Variants in TFDP2 observed in about 807,000 individuals in gnomAD.
TFDP2 encodes transcription factor Dp-2 (E2F dimerization partner 2).
In TFDP2, 17 loss-of-function variants were observed where a neutral mutation model predicts 59.3. That is an observed-to-expected ratio of 0.29 (90% CI 0.20 to 0.43). The LOEUF is 0.43. TFDP2 is among the 20% of genes least tolerant of loss of function. The pLI is 1.00. For synonymous variants in TFDP2, 180 were observed against 194.7 expected, an observed-to-expected ratio of 0.92 and a Z score of 0.63; for missense variants, 391 against 528.8, an observed-to-expected ratio of 0.74 and a Z score of 2.56.
chr3:142,027,531 G>C (rs1946184582), intron 3 of TFDP2, among the ~76,000 whole-genome samples: 1 of 150,738 alleles, frequency 6.6e-6, no homozygotes, highest in South Asian at 2.1e-4. Flanking sequence ...CCCACACTAA[G>C]TTCCTTAAAA....
At chr3:142,032,763 AT>A (rs1217991175) in intron 3 of TFDP2, among the ~76,000 whole-genome samples, 2 of 151,824 alleles carry the variant, frequency 1.3e-5, no homozygotes, top group African/African-American at 4.8e-5. Flanking sequence ...CATTGTTTCC[AT>A]TTTTTTTCTA....
intron 1 of TFDP2, among the ~76,000 whole-genome samples, chr3:142,109,333 ATT>A (rs11378143): frequency 1.4e-5 from 2 of 145,008 alleles, no homozygotes; most frequent in African/African-American, 5.1e-5. Context: ...AGTAAGCTAC[ATT>A]TTTTTTTTTT....
chr3:141,962,131 A>T (rs1937440164), intron 10 of TFDP2, among the ~76,000 whole-genome samples: 1 of 151,912 alleles, frequency 6.6e-6, no homozygotes, highest in Non-Finnish European at 1.5e-5. Flanking sequence ...TTTAGTAGCC[A>T]CAGGGTTTCA....
chr3:142,110,386 C>G (rs1169519151), intron 1 of TFDP2, among the ~76,000 whole-genome samples: 2 of 152,050 alleles, frequency 1.3e-5, no homozygotes, highest in Admixed American at 1.3e-4. Context: ...CGCCTATAAT[C>G]CCAGCTACTT....
At position 141,968,236 on chromosome 3, in the gene TFDP2, A is replaced by G. The variant is rs1314904823; in HGVS notation, c.732+1837T>C. The stretch of plus-strand genomic sequence containing the variant: ...GCACAATATTCTCTTCAAACAAAAC[A>G]TTATTATTTATATATTATATATTAT... On this transcript the variant is annotated intron_variant, in intron 9 of 12. Coordinates refer to ENST00000489671, the MANE Select transcript of TFDP2 (RefSeq NM_001178139.2). Among the ~76,000 whole-genome samples, 7 of 141,022 alleles carry G rather than the reference A, an allele frequency of 5.0e-5. No homozygotes were observed. The Admixed American group carries it at 5.3e-4, about 11-fold the overall frequency. The allele number at this position is 141,022 out of a possible 152,430, so 92.5% of individuals were successfully genotyped here.
chr3:141,976,623 C>G (rs1001737229), intron 7 of TFDP2, among the ~76,000 whole-genome samples: 1 of 152,106 alleles, frequency 6.6e-6, no homozygotes, highest in Non-Finnish European at 1.5e-5. Context: ...AGGGACAAAA[C>G]ATGTAGCTGG....
chr3:142,011,752 T>C (rs1237573961), intron 3 of TFDP2, among the ~76,000 whole-genome samples: 2 of 152,054 alleles, frequency 1.3e-5, no homozygotes, highest in African/African-American at 4.8e-5. Context: ...CAGGCACATT[T>C]TAAAAGTACT....
intron 3 of TFDP2, among the ~76,000 whole-genome samples, chr3:142,045,774 G>A (rs1947314857): frequency 6.6e-6 from 1 of 151,256 alleles, no homozygotes; most frequent in African/African-American, 2.4e-5. Context: ...CACCATGCCT[G>A]GCTAATTTTT....
intron 3 of TFDP2, chr3:142,043,670 CCTT>C (rs1947146726): frequency 2.1e-5 from 21 of 1,020,348 alleles, no homozygotes; most frequent in Non-Finnish European, 3.3e-5. Context: ...ATGATCTCCT[CCTT>C]CTTGGCCTGC....
In TFDP2 at chr3:141,945,503, G is replaced by A. The variant is rs1559885771; in HGVS notation, c.*7010C>T. The A allele has an allele frequency of 6.6e-6, 1 of 152,454 alleles. No homozygotes were observed. The highest frequency in any genetic ancestry group is 2.1e-4 in the South Asian group (1 of 4,830). The allele number at this position is 152,454 out of a possible 1,614,324, so 9.4% of individuals were successfully genotyped here. On this transcript the variant is annotated 3_prime_UTR_variant, in exon 13 of 13. Coordinates refer to ENST00000489671, the MANE Select transcript of TFDP2 (RefSeq NM_001178139.2). ...GCGTGAAGGAACTCAGTACTGAAACGTGATCCCCGGAGTGCAGCCACCTGG... is the reference window on the plus strand; with the variant it reads ...GCGTGAAGGAACTCAGTACTGAAACATGATCCCCGGAGTGCAGCCACCTGG...
chr3:141,950,136 T>A lies in TFDP2; in HGVS notation c.*2377A>T, dbSNP rs773898989. The A allele has an allele frequency of 2.0e-5, 3 of 152,196 alleles. No individual in the cohort carries two copies. The highest frequency in any genetic ancestry group is 4.4e-5 in the Non-Finnish European group (3 of 68,086). The allele number at this position is 152,196 out of a possible 1,614,324, so 9.4% of individuals were successfully genotyped here. ...GTTTCCTAACACTGCCTCACTTTGA[T>A]CTTGTGTGAAATTGTGACTCAGTGC... is the stretch of plus-strand genomic sequence containing the variant. On this transcript the variant is annotated 3_prime_UTR_variant, in exon 13 of 13. Transcript: ENST00000489671.
intron 3 of TFDP2, among the ~76,000 whole-genome samples, chr3:142,061,974 T>C (rs1024411613): frequency 4.0e-5 from 6 of 149,900 alleles, no homozygotes; most frequent in African/African-American, 1.2e-4. Context: ...AGGTTCAAAC[T>C]GTACAGGTAC....
At chr3:142,080,126 GCT>G (rs776733024) in intron 3 of TFDP2, among the ~76,000 whole-genome samples, 36 of 152,186 alleles carry the variant, frequency 2.4e-4, no homozygotes, top group Admixed American at 1.8e-3. Context: ...ACCATGCCTG[GCT>G]AATTCTTGTA....
chr3:141,960,073 C>T (rs1385566878), intron 10 of TFDP2, among the ~76,000 whole-genome samples: 1 of 152,186 alleles, frequency 6.6e-6, no homozygotes, highest in Non-Finnish European at 1.5e-5. Flanking sequence ...AACCCACAAA[C>T]TTTAGCCCTA....
intron 3 of TFDP2, among the ~76,000 whole-genome samples, chr3:142,058,677 G>GT (rs1452684492): frequency 2.6e-5 from 4 of 152,096 alleles, no homozygotes; most frequent in Non-Finnish European, 4.4e-5. Context: ...GAAGAGAAAC[G>GT]TAAGACAGGG....
intron 3 of TFDP2, among the ~76,000 whole-genome samples, chr3:142,026,537 T>A (rs979123246): frequency 3.3e-5 from 5 of 152,316 alleles, no homozygotes; most frequent in Non-Finnish European, 5.9e-5. Flanking sequence ...TGTAAATTAC[T>A]ACGAATTTTC....
rs942234941 is a variant in TFDP2, at chr3:142,149,506, C to T, written c.-416G>A. 8.8e-6 allele frequency: 3 copies of T among 341,666 alleles called. No individual in the cohort carries two copies. Among genetic ancestry groups the T allele is most frequent in the African/African-American group, 2.1e-5 (1 of 46,962 alleles). The allele number at this position is 341,666 out of a possible 1,614,324, so 21.2% of individuals were successfully genotyped here. ...TCCCTGCCCAGCTACAGCCCCGCTTCCCCCGCGCGAGCTTTGGCGGCGGAG... is the reference window on the plus strand; with the variant it reads ...TCCCTGCCCAGCTACAGCCCCGCTTTCCCCGCGCGAGCTTTGGCGGCGGAG... On this transcript the variant is annotated 5_prime_UTR_variant, in exon 1 of 13. Transcript: ENST00000489671.
intron 3 of TFDP2, among the ~76,000 whole-genome samples, chr3:142,062,376 C>T (rs1364830053): frequency 7.5e-6 from 1 of 134,200 alleles, no homozygotes; most frequent in Non-Finnish European, 1.5e-5. Context: ...TATATATACA[C>T]ATATATATAT....
In TFDP2 at chr3:141,952,529, G is replaced by A. The variant is rs1936035450; in HGVS notation, c.1325C>T (p.Ser442Phe). The A allele has an allele frequency of 3.9e-6, 6 of 1,545,974 alleles. No homozygotes were observed. Among genetic ancestry groups the A allele is most frequent in the East Asian group, 2.3e-5 (1 of 42,866 alleles). ...CTCTTGTCTTTATTCTGGGGAGGAG[G>A]AATCCTCCTCATCATCTTCCTCATC... ...DEDEEDDEED[S>F]SSPE Residue 442 changes from serine (S) to phenylalanine (F), a missense_variant, in exon 13 of 13, where the codon TCC becomes TTC. Ser to Phe is a radical substitution (Grantham distance 155, BLOSUM62 -2). Transcript: ENST00000489671.
Sources: allele counts gnomAD v4.1 joint callset (sites outside exome capture counted in the v4.1 genomes callset), GRCh38; gene constraint gnomAD v4.1.1; transcripts MANE v1.5; gene names NCBI Gene and HGNC (gene_info 2026-07-23, HGNC 2026-07-21).